Variants in SLCO3A1 observed in about 807,000 individuals in gnomAD.
The protein encoded by SLCO3A1 is PGE1 transporter.
In SLCO3A1, 27 loss-of-function variants were observed where a neutral mutation model predicts 63.1. The observed-to-expected ratio is 0.43, with a 90% CI of 0.32 to 0.59. The LOEUF is 0.59. Ranked by LOEUF, SLCO3A1 falls within the 20% of genes least tolerant of loss-of-function variation. The probability of loss-of-function intolerance (pLI) is 0.09; values close to 1 mark genes in which losing one functional copy is unlikely to be tolerated. For missense variants in SLCO3A1, 773 were observed against 945.8 expected (o/e 0.82, Z 2.40); for synonymous variants, 473 against 409.9 (o/e 1.15, Z -1.86).
intron 2 of SLCO3A1, among the ~76,000 whole-genome samples, chr15:92,048,744 C>G (rs1363448611): frequency 1.3e-5 from 2 of 152,128 alleles, no homozygotes; most frequent in Admixed American, 6.5e-5. Context: ...ACTAAAAATA[C>G]AAAAATTAGC....
At chr15:92,071,363 G>A (rs545245353) in intron 2 of SLCO3A1, among the ~76,000 whole-genome samples, 63 of 152,328 alleles carry the variant, frequency 4.1e-4, no homozygotes, top group African/African-American at 1.4e-3. Context: ...ATTTGGCAGC[G>A]AGCAAGGCAA....
intron 2 of SLCO3A1, among the ~76,000 whole-genome samples, chr15:92,000,917 A>G (rs919066420): frequency 2.6e-5 from 4 of 152,098 alleles, no homozygotes; most frequent in African/African-American, 9.7e-5. Flanking sequence ...AGTCTGGGGT[A>G]GTTGGAGGGC....
At chr15:91,998,524 C>A (rs895661831) in intron 2 of SLCO3A1, among the ~76,000 whole-genome samples, 1 of 151,882 alleles carries the variant, frequency 6.6e-6, no homozygotes, top group Non-Finnish European at 1.5e-5. Context: ...AAGCAACCAA[C>A]AAATATATGA....
Position 92,001,208 on chromosome 15 carries a change from GT to G in SLCO3A1, c.646+84751del, listed in dbSNP as rs964403543. Among the ~76,000 whole-genome samples, 14 of 146,390 alleles carry G rather than the reference GT, an allele frequency of 9.6e-5. 1 individual carries two copies. The highest frequency in any genetic ancestry group is 2.0e-4 in the Admixed American group (3 of 14,772). ...AGGAAATGCTTTAAGGACCAGGTGG[GT>G]GGGCGGGGGGGAGGGGGCGAACAAA... On this transcript the variant is annotated intron_variant, in intron 2 of 9. Transcript: ENST00000318445.
At chr15:92,167,529 C>T (rs1409700650), downstream of SLCO3A1, among the ~76,000 whole-genome samples, 1 of 152,226 alleles carries the variant, frequency 6.6e-6, no homozygotes, top group Non-Finnish European at 1.5e-5. Flanking sequence ...CAAACTGCTA[C>T]TCTCACAACA....
chr15:91,893,758 A>C (rs1897933446), intron 1 of SLCO3A1, among the ~76,000 whole-genome samples: 1 of 152,210 alleles, frequency 6.6e-6, no homozygotes, highest in Non-Finnish European at 1.5e-5. Context: ...TTAGGCCGGT[A>C]CTTTTTCTTC....
chr15:92,100,892 G>T (rs1225121727), intron 3 of SLCO3A1, among the ~76,000 whole-genome samples: 1 of 152,188 alleles, frequency 6.6e-6, no homozygotes, highest in Non-Finnish European at 1.5e-5. Flanking sequence ...GAGGAAAGAG[G>T]GGGTGGAGTC....
chr15:92,105,264 ACT>A (rs1437058546), intron 4 of SLCO3A1, among the ~76,000 whole-genome samples: 9 of 151,598 alleles, frequency 5.9e-5, no homozygotes, highest in African/African-American at 2.2e-4. Flanking sequence ...ACACAGCAAG[ACT>A]CTCATCTCAA....
At position 92,099,929 on chromosome 15, in the gene SLCO3A1, G is replaced by A. The variant is rs1310129045; in HGVS notation, c.746-4350G>A. ...ATACAAAAAAAAATTAGCCGGGCGTGTTGGTAGGCACCTGTAATCTCAGCT... is the reference window on the plus strand; with the variant it reads ...ATACAAAAAAAAATTAGCCGGGCGTATTGGTAGGCACCTGTAATCTCAGCT... On this transcript the variant is annotated intron_variant, in intron 3 of 9. Coordinates refer to ENST00000318445, the MANE Select transcript of SLCO3A1 (RefSeq NM_013272.4). Among the ~76,000 whole-genome samples the A allele has an allele frequency of 4.6e-5, 7 of 152,158 alleles. No homozygotes were observed. The South Asian group carries it at 1.5e-3, about 32-fold the overall frequency.
At chr15:91,907,304 C>T (rs1485809424) in intron 1 of SLCO3A1, among the ~76,000 whole-genome samples, 1 of 151,722 alleles carries the variant, frequency 6.6e-6, no homozygotes, top group Non-Finnish European at 1.5e-5. Context: ...CACTGGGGTT[C>T]AAGCAATTCT....
At chr15:91,880,268 C>T (rs560422477) in intron 1 of SLCO3A1, among the ~76,000 whole-genome samples, 1 of 151,908 alleles carries the variant, frequency 6.6e-6, no homozygotes, top group Non-Finnish European at 1.5e-5. Flanking sequence ...CACACTCTAC[C>T]CAGTCTCCCC....
intron 7 of SLCO3A1, among the ~76,000 whole-genome samples, chr15:92,144,184 G>C (rs1296750224): frequency 2.0e-5 from 3 of 152,186 alleles, no homozygotes. Context: ...TTCCCAGTTG[G>C]GACAGACCCC....
intron 1 of SLCO3A1, among the ~76,000 whole-genome samples, chr15:91,909,623 T>C (rs11636676): frequency 0.29 from 44,678 of 152,060 alleles, 7,644 homozygotes; most frequent in East Asian, 0.72. Context: ...GCCTGCTCAG[T>C]TCTGTCACAT....
chr15:91,993,011 T>C (rs148821133), intron 2 of SLCO3A1, among the ~76,000 whole-genome samples: 1 of 152,318 alleles, frequency 6.6e-6, no homozygotes, highest in African/African-American at 2.4e-5. Context: ...ATAAAGATGG[T>C]CATTTCTTAA....
chr15:92,002,232 A>G (rs2046264259), intron 2 of SLCO3A1, among the ~76,000 whole-genome samples: 1 of 152,052 alleles, frequency 6.6e-6, no homozygotes, highest in African/African-American at 2.4e-5. Context: ...ACCTGCTATT[A>G]CCGCAGGTGT....
chr15:92,089,368 G>A (rs1014791514), intron 2 of SLCO3A1, among the ~76,000 whole-genome samples: 1 of 152,192 alleles, frequency 6.6e-6, no homozygotes. Context: ...CGTGGCACAT[G>A]GTGTGGAGGA....
chr15:91,952,956 G>C (rs1159073002), intron 2 of SLCO3A1, among the ~76,000 whole-genome samples: 1 of 152,158 alleles, frequency 6.6e-6, no homozygotes, highest in East Asian at 1.9e-4. Context: ...AGGCAGCTGA[G>C]TGAGTCACAG....
intron 7 of SLCO3A1, among the ~76,000 whole-genome samples, chr15:92,139,289 C>T (rs572000695): frequency 2.0e-4 from 29 of 144,872 alleles, no homozygotes; most frequent in Admixed American, 4.8e-4. Context: ...TATTGATTTG[C>T]GTATATTGAA....
chr15:92,027,748 A>C (rs2046594001), intron 2 of SLCO3A1, among the ~76,000 whole-genome samples: 1 of 152,240 alleles, frequency 6.6e-6, no homozygotes, highest in African/African-American at 2.4e-5. Context: ...CACATAAACG[A>C]AGCAGTTTGC....
Sources: gnomAD v4.1 joint callset for allele counts (sites outside exome capture counted in the v4.1 genomes callset) on GRCh38, gnomAD v4.1.1 for gene constraint, MANE v1.5 for transcripts, NCBI Gene and HGNC (gene_info 2026-07-23, HGNC 2026-07-21) for gene names.